TCTN2: variants seen among roughly 807,000 people sequenced by gnomAD.
TCTN2 encodes the protein tectonic family member 2.
In TCTN2, 66 loss-of-function variants were observed where a neutral mutation model predicts 83.4. That is an observed-to-expected ratio of 0.79 (90% CI 0.65 to 0.97). The LOEUF is 0.97. Among genes scored for constraint, TCTN2 ranks in the 50% least tolerant of loss-of-function variants. The probability of loss-of-function intolerance (pLI) is 0.00; values close to 1 mark genes in which losing one functional copy is unlikely to be tolerated. For synonymous variants in TCTN2, 301 were observed against 326.7 expected (o/e 0.92, Z 0.85); for missense variants, 794 against 858.1 (o/e 0.93, Z 0.93).
chr12:123,681,790 A>G (rs1344213755), intron 5 of TCTN2, among the ~76,000 whole-genome samples: 1 of 152,088 alleles, frequency 6.6e-6, no homozygotes, highest in Non-Finnish European at 1.5e-5. Context: ...TTATTACTGT[A>G]TGTTTAACCT....
intron 8 of TCTN2, among the ~76,000 whole-genome samples, chr12:123,692,345 A>T (rs1483648544): frequency 6.6e-6 from 1 of 152,158 alleles, no homozygotes; most frequent in African/African-American, 2.4e-5. Flanking sequence ...GCGCCTGGCC[A>T]ATTGTTTTCT....
At chr12:123,677,047 G>A (rs1183487277) in intron 4 of TCTN2, among the ~76,000 whole-genome samples, 1 of 152,052 alleles carries the variant, frequency 6.6e-6, no homozygotes, top group African/African-American at 2.4e-5. Context: ...GCATGATGGT[G>A]CACACCTGTG....
chr12:123,692,202 C>T (rs1443311202), intron 8 of TCTN2, among the ~76,000 whole-genome samples: 2 of 152,114 alleles, frequency 1.3e-5, no homozygotes, highest in African/African-American at 2.4e-5. Flanking sequence ...TGAGCCACCA[C>T]GCCCGGCTAA....
At chr12:123,707,251 A>G in intron 17 of TCTN2, 178 bp downstream of exon 17, 1 of 659,570 alleles carries the variant, frequency 1.5e-6, no homozygotes, top group Admixed American at 2.8e-5. Flanking sequence ...ATTTCTACCT[A>G]CACTGTTTTT....
chr12:123,680,389 T>A (rs534087912), intron 5 of TCTN2, among the ~76,000 whole-genome samples: 7 of 137,704 alleles, frequency 5.1e-5, no homozygotes, highest in Non-Finnish European at 7.6e-5. Flanking sequence ...TTTGAGTAAA[T>A]TTTTTTTTTT....
chr12:123,681,473 C>T (rs1444449735), intron 5 of TCTN2, among the ~76,000 whole-genome samples: 2 of 152,156 alleles, frequency 1.3e-5, no homozygotes, highest in East Asian at 1.9e-4. Flanking sequence ...GGACATTGCA[C>T]GTATATGGAA....
rs1439737213 is a variant in TCTN2 at position 123,690,548 on chromosome 12, C to A, written c.907C>A (p.Gln303Lys). ...FTIPQVSLAG[Q>K]CMQNAPVAFL... ...TCTCCCTCAGGTGTCCCTGGCTGGG[C>A]AGTGTATGCAGAACGCCCCAGTGGC... Residue 303 changes from glutamine to lysine, a missense_variant, in exon 8 of 18, where the codon CAG (glutamine) becomes AAG (lysine). Coordinates refer to ENST00000303372, the MANE Select transcript of TCTN2 (RefSeq NM_024809.5). 6.2e-7 allele frequency: 1 copy of A among 1,614,172 alleles called. No individual in the cohort carries two copies. Among genetic ancestry groups the A allele is most frequent in the Non-Finnish European group, 8.5e-7 (1 of 1,180,026 alleles).
chr12:123,696,393 T>C, intron 11 of TCTN2, 22 bp from the exon 12 acceptor site: 1 of 1,604,652 alleles, frequency 6.2e-7, no homozygotes, highest in Non-Finnish European at 8.5e-7. Flanking sequence ...CAGGCTCACG[T>C]TCCTTTGTTG....
At chr12:123,688,965 A>G (rs1039885952) in intron 7 of TCTN2, among the ~76,000 whole-genome samples, 1 of 151,880 alleles carries the variant, frequency 6.6e-6, no homozygotes, top group African/African-American at 2.4e-5. Context: ...CATGTTGGTC[A>G]GGCTGGTCTC....
chr12:123,671,741 A>G, intron 2 of TCTN2, 127 bp downstream of exon 2: 1 of 800,714 alleles, frequency 1.2e-6, no homozygotes, highest in East Asian at 2.7e-5. Context: ...TGGGGAGAAA[A>G]GGATCGGGCG....
chr12:123,672,173 G>A (rs1955762458), intron 3 of TCTN2, 41 bp downstream of exon 3: 2 of 1,548,128 alleles, frequency 1.3e-6, no homozygotes, highest in East Asian at 4.5e-5. Context: ...CTGTGAAGAG[G>A]CCCCCAGCTA....
intron 14 of TCTN2, among the ~76,000 whole-genome samples, chr12:123,703,938 G>C (rs190494023): frequency 6.5e-4 from 98 of 151,546 alleles, no homozygotes; most frequent in Middle Eastern, 3.4e-3. Context: ...ACTGAATCAT[G>C]ATTTATGGCT....
intron 14 of TCTN2, among the ~76,000 whole-genome samples, chr12:123,703,858 C>T (rs970169727): frequency 2.0e-5 from 3 of 152,204 alleles, no homozygotes; most frequent in African/African-American, 4.8e-5. Flanking sequence ...CATGGAATAA[C>T]GATGGCATTT....
rs2135852888 is a variant in TCTN2, at chr12:123,699,729, T to G, written c.1531T>G (p.Ser511Ala). The G allele has an allele frequency of 8.1e-6, 13 of 1,614,084 alleles. No homozygotes were observed. The highest frequency in any genetic ancestry group is 9.3e-6 in the Non-Finnish European group (11 of 1,179,934). Reference sequence around the variant, plus strand: ...GGAGAATGCTGTTGAAAGACTTGATTCATTAATACAAGCGACTCACGTTGC... The same window carrying G: ...GGAGAATGCTGTTGAAAGACTTGATGCATTAATACAAGCGACTCACGTTGC... ...LRENAVERLDSLIQATHVAMR... is the reference protein window; with the variant it reads ...LRENAVERLDALIQATHVAMR... The change falls in exon 14 of 18, where the codon TCA becomes GCA. Residue 511 changes from serine (S) to alanine (A), a missense_variant. Transcript: ENST00000303372.
intron 5 of TCTN2, among the ~76,000 whole-genome samples, chr12:123,682,005 C>T (rs1406557426): frequency 6.6e-6 from 1 of 152,172 alleles, no homozygotes; most frequent in African/African-American, 2.4e-5. Flanking sequence ...GGGTCTTGCT[C>T]TGTCGCCCAG....
At chr12:123,700,504 C>T (rs545833233) in intron 14 of TCTN2, among the ~76,000 whole-genome samples, 1 of 152,336 alleles carries the variant, frequency 6.6e-6, no homozygotes, top group East Asian at 1.9e-4. Context: ...ACAATCTCGG[C>T]TCACTGCAAC....
intron 6 of TCTN2, 83 bp downstream of exon 6, chr12:123,687,118 G>T: frequency 6.5e-7 from 1 of 1,535,808 alleles, no homozygotes; most frequent in Non-Finnish European, 9.0e-7. Flanking sequence ...CTGCAACGCG[G>T]TCACGTTTTT....
chr12:123,690,694 A>AAAAAGAACAC lies in TCTN2; in HGVS notation c.1033+22_1033+31dup. Reference sequence around the variant, plus strand: ...TAGGAGGTATGTTACATTTCTTTGAAAAAAGAACACAGGCCCAAACATGAA... The same window carrying AAAAAGAACAC: ...TAGGAGGTATGTTACATTTCTTTGAAAAAAGAACACAAAAGAACACAGGCCCAAACATGAA... On this transcript the variant is annotated intron_variant, in intron 8 of 17. Coordinates refer to ENST00000303372, the MANE Select transcript of TCTN2 (RefSeq NM_024809.5). The AAAAAGAACAC allele has an allele frequency of 1.9e-6, 3 of 1,613,664 alleles. No individual in the cohort carries two copies. The highest frequency in any genetic ancestry group is 2.5e-6 in the Non-Finnish European group (3 of 1,179,840).
At position 123,671,337 on chromosome 12, in the gene TCTN2, GCAGTGA is replaced by G; in HGVS notation, c.82+17_82+22del. 6.2e-7 allele frequency: 1 copy of G among 1,612,998 alleles called. No homozygotes were observed. The highest frequency in any genetic ancestry group is 8.5e-7 in the Non-Finnish European group (1 of 1,179,518). ...GGGGGACCTGGGTGTGTACGGCGCG[GCAGTGA>G]CCTCGGTGGGCCGGGGCTGAGGGGA... On this transcript the variant is annotated intron_variant, in intron 1 of 17. Transcript: ENST00000303372.
Sources: allele counts gnomAD v4.1 joint callset (sites outside exome capture counted in the v4.1 genomes callset), GRCh38; gene constraint gnomAD v4.1.1; transcripts MANE v1.5; gene names NCBI Gene and HGNC (gene_info 2026-07-23, HGNC 2026-07-21).